Variants in PRKCB observed in about 807,000 individuals in gnomAD.
PRKCB encodes the protein protein kinase C beta, also known as protein kinase C beta type.
Under a neutral mutation model 81.5 loss-of-function variants are expected in PRKCB, and 13 were observed. That is an observed-to-expected ratio of 0.16 (90% CI 0.10 to 0.25). The LOEUF (loss-of-function observed/expected upper bound fraction) is 0.25, where lower values mean the gene tolerates loss of function less well. PRKCB is among the 10% of genes least tolerant of loss of function. The pLI is 1.00. For synonymous variants in PRKCB, 335 were observed against 321.4 expected (o/e 1.04, Z -0.45); for missense variants, 509 against 875.7 (o/e 0.58, Z 5.29).
In PRKCB at chr16:24,125,559, T is replaced by C. The variant is rs149596071; in HGVS notation, c.1065+1578T>C. 9.8e-5 allele frequency among the ~76,000 whole-genome samples: 15 copies of C among 152,370 alleles called. No homozygotes were observed. The East Asian group carries it at 2.9e-3, about 29-fold the overall frequency. Reference sequence around the variant, plus strand: ...CTACCCACTGAAAAGTTGCCGCTCATTCACTGTCCATTATGTTTAACTCTC... The same window carrying C: ...CTACCCACTGAAAAGTTGCCGCTCACTCACTGTCCATTATGTTTAACTCTC... On this transcript the variant is annotated intron_variant, in intron 9 of 16. Transcript: ENST00000643927.
chr16:23,846,583 C>T (rs958865690), intron 2 of PRKCB, among the ~76,000 whole-genome samples: 1 of 121,944 alleles, frequency 8.2e-6, no homozygotes, highest in Non-Finnish European at 1.6e-5. Flanking sequence ...GCACTCCAGC[C>T]TGGCGACAGA....
intron 3 of PRKCB, among the ~76,000 whole-genome samples, chr16:23,994,242 A>C (rs1393854499): frequency 6.6e-6 from 1 of 152,212 alleles, no homozygotes; most frequent in Non-Finnish European, 1.5e-5. Context: ...ATAGGGGCTT[A>C]TGGTGGTCAG....
At chr16:23,876,830 A>G (rs1187516592) in intron 2 of PRKCB, among the ~76,000 whole-genome samples, 5 of 152,352 alleles carry the variant, frequency 3.3e-5, no homozygotes, top group East Asian at 1.9e-4. Context: ...AAAGTGGTTA[A>G]CACTGGAATT....
intron 5 of PRKCB, among the ~76,000 whole-genome samples, chr16:24,090,731 A>C (rs1439454521): frequency 6.6e-6 from 1 of 152,150 alleles, no homozygotes; most frequent in Non-Finnish European, 1.5e-5. Context: ...GAAAAATAGA[A>C]ATTGGTGTAA....
At chr16:23,939,320 A>G (rs1596480642) in intron 2 of PRKCB, among the ~76,000 whole-genome samples, 1 of 152,358 alleles carries the variant, frequency 6.6e-6, no homozygotes, top group East Asian at 1.9e-4. Context: ...AAATTGATAT[A>G]CAGGTTTAAT....
At position 24,215,548 on chromosome 16, in the gene PRKCB, C is replaced by T. The variant is rs919236126; in HGVS notation, c.*732C>T. The stretch of plus-strand genomic sequence containing the variant: ...GCACCACTCTCTGAAACAACACAGT[C>T]ACTCTAGCAAGGCCCCCAAAGGGCC... On this transcript the variant is annotated 3_prime_UTR_variant, in exon 17 of 17. Coordinates refer to ENST00000643927, the MANE Select transcript of PRKCB (RefSeq NM_002738.7). 2 of 985,528 alleles carry T rather than the reference C, an allele frequency of 2.0e-6. No individual in the cohort carries two copies. The highest frequency in any genetic ancestry group is 3.5e-5 in the African/African-American group (2 of 57,148). 61.0% of individuals were successfully genotyped at this position (985,528 alleles called of 1,614,324 possible).
chr16:23,934,615 G>A (rs549327960), intron 2 of PRKCB, among the ~76,000 whole-genome samples: 182 of 152,232 alleles, frequency 1.2e-3, no homozygotes, highest in African/African-American at 4.2e-3. Context: ...TATTTTCAGC[G>A]TATAGAATTT....
At chr16:24,130,239 C>T (rs1006699975) in intron 9 of PRKCB, among the ~76,000 whole-genome samples, 1 of 152,078 alleles carries the variant, frequency 6.6e-6, no homozygotes, top group African/African-American at 2.4e-5. Context: ...TTTTAAAATG[C>T]AGTGGAGGTA....
At chr16:24,138,276 CA>C (rs1966871861) in intron 9 of PRKCB, among the ~76,000 whole-genome samples, 2 of 152,208 alleles carry the variant, frequency 1.3e-5, no homozygotes, top group Admixed American at 1.3e-4. Flanking sequence ...TCTGTAACTC[CA>C]ACAACAAAGG....
chr16:24,043,026 T>C (rs1262286388), intron 5 of PRKCB, among the ~76,000 whole-genome samples: 1 of 152,208 alleles, frequency 6.6e-6, no homozygotes, highest in Non-Finnish European at 1.5e-5. Flanking sequence ...TGTGAGCCAC[T>C]GTGCCCGGTG....
At chr16:24,067,254 T>G (rs965469337) in intron 5 of PRKCB, among the ~76,000 whole-genome samples, 2 of 152,196 alleles carry the variant, frequency 1.3e-5, no homozygotes, top group Non-Finnish European at 2.9e-5. Flanking sequence ...AAGTTCATGT[T>G]TGATAATTCC....
At chr16:24,114,309 T>C (rs1966712379) in intron 8 of PRKCB, among the ~76,000 whole-genome samples, 1 of 151,144 alleles carries the variant, frequency 6.6e-6, no homozygotes, top group African/African-American at 2.4e-5. Context: ...TGATATATTT[T>C]GGAGGCTGAG....
Position 23,959,046 on chromosome 16 carries a change from C to T in PRKCB, c.206-29462C>T, listed in dbSNP as rs1964389515. On this transcript the variant is annotated intron_variant, in intron 2 of 16. Transcript: ENST00000643927. ...ATGTATATAATGATAGTACCTACCA[C>T]GCATGGTTGTTAGGAAGATTAAATC... Among the ~76,000 whole-genome samples, 4 of 152,138 alleles carry T rather than the reference C, an allele frequency of 2.6e-5. 1 individual carries two copies. In the South Asian group the frequency reaches 6.2e-4, roughly 24 times the overall value.
In PRKCB at chr16:23,910,128, A is replaced by G. The variant is rs144110226; in HGVS notation, c.205+72722A>G. 5.6e-3 allele frequency among the ~76,000 whole-genome samples: 857 copies of G among 151,776 alleles called. 12 individuals carry two copies. The highest frequency in any genetic ancestry group is 0.02 in the African/African-American group (824 of 41,332). On this transcript the variant is annotated intron_variant, in intron 2 of 16. Coordinates refer to ENST00000643927, the MANE Select transcript of PRKCB (RefSeq NM_002738.7). ...TGCTGACAGTGTCACCTTCCTCTTT[A>G]CTTGTCCCTCTTCCGCTCCAAGTTG...
intron 2 of PRKCB, among the ~76,000 whole-genome samples, chr16:23,845,786 C>T (rs1042200282): frequency 6.6e-6 from 1 of 152,200 alleles, no homozygotes; most frequent in Non-Finnish European, 1.5e-5. Context: ...AACTTCATCT[C>T]CTCTTAGTTA....
intron 16 of PRKCB, among the ~76,000 whole-genome samples, chr16:24,201,251 G>A (rs1967952702): frequency 6.6e-6 from 1 of 152,086 alleles, no homozygotes; most frequent in African/African-American, 2.4e-5. Context: ...GTTTCAAATA[G>A]GAATCTGATT....
chr16:24,017,753 A>C (rs1965298390), intron 3 of PRKCB, among the ~76,000 whole-genome samples: 1 of 152,166 alleles, frequency 6.6e-6, no homozygotes, highest in South Asian at 2.1e-4. Context: ...TTTTGGAAGC[A>C]GGATCTTGCT....
At chr16:24,209,268 A>G (rs543403218) in intron 16 of PRKCB, among the ~76,000 whole-genome samples, 1 of 152,096 alleles carries the variant, frequency 6.6e-6, no homozygotes. Context: ...CCATACCAGC[A>G]GTCCCTGCCA....
chr16:24,022,482 A>ATTCT (rs544441377), intron 3 of PRKCB, among the ~76,000 whole-genome samples: 6 of 152,104 alleles, frequency 3.9e-5, no homozygotes, highest in East Asian at 1.9e-4. Flanking sequence ...CACATTTTTT[A>ATTCT]TTCTTTCTTT....
Sources: allele counts gnomAD v4.1 joint callset (sites outside exome capture counted in the v4.1 genomes callset), GRCh38; gene constraint gnomAD v4.1.1; transcripts MANE v1.5; gene names NCBI Gene and HGNC (gene_info 2026-07-23, HGNC 2026-07-21).